Variants in EPHA6 observed in about 807,000 individuals in gnomAD.
EPHA6 encodes the protein EPH receptor A6.
A neutral mutation model predicts 112.0 loss-of-function variants in EPHA6; 50 were observed. The ratio of observed to expected loss-of-function variants is 0.45; its 90% confidence interval spans 0.36 to 0.56. The LOEUF is 0.56. Among genes scored for constraint, EPHA6 ranks in the 20% least tolerant of loss-of-function variants. The probability of loss-of-function intolerance (pLI) is 0.00; values close to 1 mark genes in which losing one functional copy is unlikely to be tolerated. For missense variants in EPHA6, 1,280 were observed against 1,417.4 expected (o/e 0.90, Z 1.56); for synonymous variants, 529 against 490.7 (o/e 1.08, Z -1.03).
chr3:96,925,074 A>G (rs1045901364), intron 2 of EPHA6, among the ~76,000 whole-genome samples: 1 of 152,172 alleles, frequency 6.6e-6, no homozygotes, highest in African/African-American at 2.4e-5. Context: ...ATCAATGTTC[A>G]TCAAGGATAT....
At chr3:97,640,981 T>C (rs953388392) in intron 14 of EPHA6, among the ~76,000 whole-genome samples, 2 of 152,118 alleles carry the variant, frequency 1.3e-5, no homozygotes, top group African/African-American at 4.8e-5. Flanking sequence ...CATTATATGT[T>C]CATTATGATT....
intron 5 of EPHA6, among the ~76,000 whole-genome samples, chr3:97,332,454 G>A (rs1396830754): frequency 2.0e-5 from 3 of 152,088 alleles, no homozygotes; most frequent in African/African-American, 7.2e-5. Flanking sequence ...ATTAGGAAAA[G>A]AGGAAGTTAA....
intron 11 of EPHA6, among the ~76,000 whole-genome samples, chr3:97,548,747 G>T (rs1324427165): frequency 6.6e-6 from 1 of 152,158 alleles, no homozygotes; most frequent in East Asian, 1.9e-4. Flanking sequence ...GTTGGTTTTT[G>T]TATCCAGTGG....
At chr3:97,379,261 C>A (rs1470450292) in intron 5 of EPHA6, among the ~76,000 whole-genome samples, 1 of 152,080 alleles carries the variant, frequency 6.6e-6, no homozygotes, top group Non-Finnish European at 1.5e-5. Flanking sequence ...AACTGAAAGT[C>A]CAAGTAAGCC....
At chr3:97,163,498 A>AT (rs2076465013) in intron 3 of EPHA6, among the ~76,000 whole-genome samples, 1 of 152,154 alleles carries the variant, frequency 6.6e-6, no homozygotes, top group Non-Finnish European at 1.5e-5. Flanking sequence ...TTCTGTCTTT[A>AT]TACATTTAGA....
chr3:97,242,288 T>C (rs1189637388), intron 4 of EPHA6, among the ~76,000 whole-genome samples: 1 of 151,844 alleles, frequency 6.6e-6, no homozygotes, highest in Non-Finnish European at 1.5e-5. Flanking sequence ...ATTCTCCCTC[T>C]GCAGTCTAGC....
At chr3:97,559,636 C>A (rs1291636432) in intron 11 of EPHA6, 7 of 455,390 alleles carry the variant, frequency 1.5e-5, no homozygotes, top group Admixed American at 4.7e-5. Context: ...AAAGGGGAAG[C>A]AGGCTTTCTA....
At chr3:97,568,419 A>G (rs546554387) in intron 11 of EPHA6, among the ~76,000 whole-genome samples, 1 of 152,238 alleles carries the variant, frequency 6.6e-6, no homozygotes, top group South Asian at 2.1e-4. Flanking sequence ...AGATTGATGG[A>G]ACGAGTCCAA....
intron 3 of EPHA6, among the ~76,000 whole-genome samples, chr3:97,034,955 G>T (rs1037494643): frequency 2.6e-5 from 4 of 151,830 alleles, no homozygotes; most frequent in Non-Finnish European, 4.4e-5. Flanking sequence ...AAATAAAATG[G>T]TAACCATATT....
intron 3 of EPHA6, among the ~76,000 whole-genome samples, chr3:97,081,285 C>T (rs1243413609): frequency 6.6e-6 from 1 of 151,714 alleles, no homozygotes; most frequent in African/African-American, 2.4e-5. Context: ...TATAACATTA[C>T]ATATGAAGGC....
At chr3:96,846,201 G>C (rs2035064708) in intron 1 of EPHA6, among the ~76,000 whole-genome samples, 1 of 152,012 alleles carries the variant, frequency 6.6e-6, no homozygotes, top group African/African-American at 2.4e-5. Context: ...ACTGTATTTT[G>C]ATTGTGAGTA....
In EPHA6 at chr3:97,751,073, A is replaced by T. The variant is rs1457459762; in HGVS notation, c.*2372A>T. Reference sequence around the variant, plus strand: ...AGATATAAAACAGATTAAATTTATTAATCATATATTTATTTTTATAATACA... The same window carrying T: ...AGATATAAAACAGATTAAATTTATTTATCATATATTTATTTTTATAATACA... On this transcript the variant is annotated 3_prime_UTR_variant, in exon 18 of 18. Transcript: ENST00000389672. Among the ~76,000 whole-genome samples, 1 of 152,132 alleles carries T rather than the reference A, an allele frequency of 6.6e-6. No individual in the cohort carries two copies. The highest frequency in any genetic ancestry group is 2.4e-5 in the African/African-American group (1 of 41,450).
At chr3:97,207,660 A>C (rs1284865362) in intron 3 of EPHA6, among the ~76,000 whole-genome samples, 2 of 152,224 alleles carry the variant, frequency 1.3e-5, no homozygotes, top group African/African-American at 4.8e-5. Context: ...TAAAATATTT[A>C]CACATGGATG....
chr3:97,655,421 A>T (rs2094132105), intron 14 of EPHA6, among the ~76,000 whole-genome samples: 1 of 151,820 alleles, frequency 6.6e-6, no homozygotes, highest in South Asian at 2.1e-4. Flanking sequence ...TCGGCAGTTG[A>T]AAGTCTTTGA....
At chr3:97,048,383 C>T (rs1024044170) in intron 3 of EPHA6, among the ~76,000 whole-genome samples, 10 of 152,092 alleles carry the variant, frequency 6.6e-5, no homozygotes, top group African/African-American at 2.2e-4. Flanking sequence ...AATTGAGATA[C>T]ATCGTCACAA....
chr3:97,196,830 A>G (rs540266223), intron 3 of EPHA6, among the ~76,000 whole-genome samples: 1 of 152,034 alleles, frequency 6.6e-6, no homozygotes, highest in South Asian at 2.1e-4. Context: ...CCCCAAACAA[A>G]TGGAATCTCT....
intron 14 of EPHA6, chr3:97,648,169 C>A (rs1453844689): frequency 2.1e-6 from 1 of 475,742 alleles, no homozygotes; most frequent in East Asian, 3.3e-5. Flanking sequence ...GTTTGTCTGA[C>A]AGCAGCAATT....
At chr3:97,384,469 T>C (rs2085940906) in intron 5 of EPHA6, among the ~76,000 whole-genome samples, 1 of 152,168 alleles carries the variant, frequency 6.6e-6, no homozygotes, top group Non-Finnish European at 1.5e-5. Flanking sequence ...CCCCACTCAT[T>C]CACTCATTTG....
chr3:97,538,230 AGAAAAAGAAAG>A (rs2092790328), intron 11 of EPHA6, among the ~76,000 whole-genome samples: 1 of 152,156 alleles, frequency 6.6e-6, no homozygotes, highest in South Asian at 2.1e-4. Context: ...AGAAGTCAAG[AGAAAAAGAAAG>A]GGATAGATTC....
Sources: allele counts gnomAD v4.1 joint callset (sites outside exome capture counted in the v4.1 genomes callset), GRCh38; gene constraint gnomAD v4.1.1; transcripts MANE v1.5; gene names NCBI Gene and HGNC (gene_info 2026-07-23, HGNC 2026-07-21).